Variants in RGS7 observed in about 807,000 individuals in gnomAD.
The protein encoded by RGS7 is regulator of G protein signaling 7.
In RGS7, 27 loss-of-function variants were observed where a neutral mutation model predicts 81.1. The ratio of observed to expected loss-of-function variants is 0.33; its 90% CI spans 0.25 to 0.46. The LOEUF (loss-of-function observed/expected upper bound fraction) is 0.46. RGS7 is among the 20% of genes least tolerant of loss of function. The probability of loss-of-function intolerance (pLI) is 1.00; values close to 1 mark genes in which losing one functional copy is unlikely to be tolerated. For synonymous variants in RGS7, 208 were observed against 207.7 expected (o/e 1.00, Z -0.01); for missense variants, 396 against 607.4 (o/e 0.65, Z 3.66).
At chr1:240,784,044 G>A (rs544307280) in intron 18 of RGS7, among the ~76,000 whole-genome samples, 11 of 144,240 alleles carry the variant, frequency 7.6e-5, no homozygotes, top group African/African-American at 2.9e-4. Flanking sequence ...AAAAATAGCC[G>A]AGTATCGTGG....
At chr1:241,004,077 A>G (rs1482216250) in intron 3 of RGS7, among the ~76,000 whole-genome samples, 2 of 152,236 alleles carry the variant, frequency 1.3e-5, no homozygotes, top group Non-Finnish European at 2.9e-5. Flanking sequence ...AGGGAATAAC[A>G]TAACAGAAGC....
At chr1:241,202,430 C>G (rs1435335217) in intron 2 of RGS7, among the ~76,000 whole-genome samples, 1 of 152,156 alleles carries the variant, frequency 6.6e-6, no homozygotes, top group Admixed American at 6.5e-5. Context: ...AAAAGGCATA[C>G]AAATTCATTT....
At chr1:240,842,919 T>C (rs1658350455) in intron 9 of RGS7, among the ~76,000 whole-genome samples, 1 of 152,042 alleles carries the variant, frequency 6.6e-6, no homozygotes, top group African/African-American at 2.4e-5. Context: ...TCTCAGCACT[T>C]TGGGAGGCCT....
At chr1:241,220,975 AAGG>A (rs771455411) in intron 2 of RGS7, among the ~76,000 whole-genome samples, 1 of 104,048 alleles carries the variant, frequency 9.6e-6, no homozygotes. Context: ...GGAAGGAAGG[AAGG>A]AAGGAAGGAA....
intron 17 of RGS7, 78 bp from the exon 18 acceptor site, chr1:240,800,799 C>A (rs1165111641): frequency 8.3e-6 from 6 of 725,644 alleles, no homozygotes; most frequent in Admixed American, 3.0e-5. Context: ...TGGCACAATA[C>A]AAAAAAAAGA....
chr1:240,797,558 G>A (rs1036864625), intron 18 of RGS7, among the ~76,000 whole-genome samples: 55 of 151,994 alleles, frequency 3.6e-4, no homozygotes, highest in Non-Finnish European at 1.8e-4. Flanking sequence ...CACCATGTTG[G>A]CCAGGCTGGT....
At chr1:240,879,260 T>G (rs1441358382) in intron 6 of RGS7, among the ~76,000 whole-genome samples, 2 of 152,236 alleles carry the variant, frequency 1.3e-5, no homozygotes, top group African/African-American at 4.8e-5. Context: ...CTAATGTGGC[T>G]CAATTTAATA....
At chr1:240,860,234 T>C (rs1661957403) in intron 9 of RGS7, among the ~76,000 whole-genome samples, 1 of 152,188 alleles carries the variant, frequency 6.6e-6, no homozygotes, top group South Asian at 2.1e-4. Flanking sequence ...TGAACTTCAG[T>C]TAAACCTTGT....
At chr1:240,957,727 G>A (rs1680677608) in intron 4 of RGS7, among the ~76,000 whole-genome samples, 1 of 152,134 alleles carries the variant, frequency 6.6e-6, no homozygotes, top group Non-Finnish European at 1.5e-5. Context: ...CAAGTATATC[G>A]TACTAATGTA....
At chr1:241,040,614 G>A (rs1327392940) in intron 3 of RGS7, among the ~76,000 whole-genome samples, 1 of 152,030 alleles carries the variant, frequency 6.6e-6, no homozygotes, top group Admixed American at 6.6e-5. Flanking sequence ...TGATTCTCCT[G>A]CCTCAGCCTC....
chr1:240,905,782 T>C (rs1394117059), intron 6 of RGS7, among the ~76,000 whole-genome samples: 1 of 152,192 alleles, frequency 6.6e-6, no homozygotes. Flanking sequence ...AGTTTGTTTT[T>C]GGACTCTACC....
chr1:241,313,967 G>T (rs985548383), intron 2 of RGS7, among the ~76,000 whole-genome samples: 2 of 152,110 alleles, frequency 1.3e-5, no homozygotes, highest in African/African-American at 4.8e-5. Context: ...TGACTAAATT[G>T]TTGTAATCTC....
At chr1:241,221,685 C>T (rs1470275042) in intron 2 of RGS7, among the ~76,000 whole-genome samples, 1 of 152,206 alleles carries the variant, frequency 6.6e-6, no homozygotes, top group African/African-American at 2.4e-5. Flanking sequence ...GAATGTGCCT[C>T]ATCCAATCAG....
intron 4 of RGS7, among the ~76,000 whole-genome samples, chr1:240,972,848 CAAAAAAAAA>C (rs35291771): frequency 4.0e-5 from 3 of 74,990 alleles, no homozygotes; most frequent in African/African-American, 5.0e-5. Flanking sequence ...CCCCGCCTCT[CAAAAAAAAA>C]AAAAAAAAAA....
At chr1:240,921,418 A>G (rs1673518825) in intron 6 of RGS7, among the ~76,000 whole-genome samples, 1 of 152,082 alleles carries the variant, frequency 6.6e-6, no homozygotes, top group South Asian at 2.1e-4. Context: ...ATTGTACTGG[A>G]GTCCTAGGTA....
At position 241,098,768 on chromosome 1, in the gene RGS7, C is replaced by A. The variant is rs1174502430; in HGVS notation, c.79-6G>T. 1 of 1,589,038 alleles carries A rather than the reference C, an allele frequency of 6.3e-7. No individual in the cohort carries two copies. The highest frequency in any genetic ancestry group is 2.2e-5 in the East Asian group (1 of 44,744). Reference sequence around the variant, plus strand: ...CGTGCTATGACGTCTTCCATCTAAACAATAATAACATAATTAAAACCTTTA... The same window carrying A: ...CGTGCTATGACGTCTTCCATCTAAAAAATAATAACATAATTAAAACCTTTA... On this transcript the variant is annotated splice_region_variant and splice_polypyrimidine_tract_variant and intron_variant, in intron 2 of 18. Coordinates refer to ENST00000440928, the MANE Select transcript of RGS7 (RefSeq NM_001364886.1).
intron 6 of RGS7, among the ~76,000 whole-genome samples, chr1:240,883,423 A>G (rs1180029060): frequency 6.6e-6 from 1 of 152,202 alleles, no homozygotes; most frequent in African/African-American, 2.4e-5. Context: ...GCGTTTTGGC[A>G]ACTTGTAGTT....
intron 2 of RGS7, among the ~76,000 whole-genome samples, chr1:241,339,262 C>T (rs1027504796): frequency 6.6e-6 from 1 of 152,202 alleles, no homozygotes; most frequent in Non-Finnish European, 1.5e-5. Flanking sequence ...TGTATACACA[C>T]CACACTTTCT....
chr1:240,941,473 G>C (rs1366025221), intron 4 of RGS7, among the ~76,000 whole-genome samples: 2 of 152,052 alleles, frequency 1.3e-5, no homozygotes, highest in Non-Finnish European at 2.9e-5. Flanking sequence ...AGTAGCAAGT[G>C]AATCAATATT....
Sources: gnomAD v4.1 joint callset for allele counts (sites outside exome capture counted in the v4.1 genomes callset) on GRCh38, gnomAD v4.1.1 for gene constraint, MANE v1.5 for transcripts, NCBI Gene and HGNC (gene_info 2026-07-23, HGNC 2026-07-21) for gene names.